The following CIRSR variants were observed in gnomAD, a reference collection of about 807,000 sequenced individuals.
CIRSR encodes CBF1 (RBPJ) interacting corepressor 1.
At chr2:174,359,517 G>GT in the CIRSR span, among the ~76,000 whole-genome samples, 1 of 152,036 alleles carries the variant, frequency 6.6e-6, no homozygotes. Context: ...AAATTAGTGT[G>GT]TAATACCAGT....
At chr2:174,388,841 T>C in the CIRSR span, among the ~76,000 whole-genome samples, 1 of 152,096 alleles carries the variant, frequency 6.6e-6, no homozygotes, top group Non-Finnish European at 1.5e-5. Context: ...TGGGATGTAA[T>C]TGAATCATGG....
chr2:174,360,159 T>C, the CIRSR span, among the ~76,000 whole-genome samples: 2 of 152,220 alleles, frequency 1.3e-5, no homozygotes, highest in Non-Finnish European at 2.9e-5. Context: ...TGTATACATA[T>C]GTAACAAACT....
At chr2:174,359,663 G>A in the CIRSR span, among the ~76,000 whole-genome samples, 1 of 152,150 alleles carries the variant, frequency 6.6e-6, no homozygotes, top group African/African-American at 2.4e-5. Context: ...AATTCCTCAA[G>A]GATGTAGAAC....
the CIRSR span, chr2:174,349,261 G>A: frequency 1.2e-6 from 1 of 824,992 alleles, no homozygotes; most frequent in Non-Finnish European, 1.8e-6. Flanking sequence ...TATTTTCTTA[G>A]AAGTTATTAA....
At chr2:174,383,849 CAAAAAAA>C in the CIRSR span, among the ~76,000 whole-genome samples, 1,117 of 121,438 alleles carry the variant, frequency 9.2e-3, 10 homozygotes, top group African/African-American at 0.033. Context: ...AGCTATCTTC[CAAAAAAA>C]AAAAAAAAAA....
the CIRSR span, among the ~76,000 whole-genome samples, chr2:174,365,126 G>A: frequency 5.3e-4 from 81 of 151,954 alleles, no homozygotes; most frequent in Non-Finnish European, 1.1e-3. Flanking sequence ...AATTTCTTCC[G>A]CCAGATATCC....
At chr2:174,359,051 T>C in the CIRSR span, among the ~76,000 whole-genome samples, 6 of 152,246 alleles carry the variant, frequency 3.9e-5, no homozygotes, top group African/African-American at 7.2e-5. Context: ...CTTGAAAAGT[T>C]AGGCATCCAT....
the CIRSR span, among the ~76,000 whole-genome samples, chr2:174,349,386 G>A: frequency 1.3e-5 from 2 of 151,926 alleles, no homozygotes; most frequent in Non-Finnish European, 2.9e-5. Flanking sequence ...CCAACATGGT[G>A]AAACCCCATC....
the CIRSR span, chr2:174,351,758 T>C: frequency 1.3e-6 from 2 of 1,562,896 alleles, no homozygotes; most frequent in East Asian, 4.6e-5. Context: ...GAATGTATCA[T>C]TTATATCTCT....
At chr2:174,382,567 A>G in the CIRSR span, among the ~76,000 whole-genome samples, 1,930 of 152,232 alleles carry the variant, frequency 0.013, 42 homozygotes, top group African/African-American at 0.043. Context: ...TGAATGTGGG[A>G]GGCGGAGGTT....
At chr2:174,382,008 T>A in the CIRSR span, among the ~76,000 whole-genome samples, 1 of 152,138 alleles carries the variant, frequency 6.6e-6, no homozygotes, top group Non-Finnish European at 1.5e-5. Context: ...ACCTGAGAGA[T>A]CCTACCCATC....
At chr2:174,395,076 T>C in the CIRSR span, among the ~76,000 whole-genome samples, 2 of 152,238 alleles carry the variant, frequency 1.3e-5, no homozygotes, top group Non-Finnish European at 2.9e-5. Context: ...GTATTACAAC[T>C]GGTAGACCTG....
chr2:174,357,904 A>T, the CIRSR span, among the ~76,000 whole-genome samples: 1 of 152,184 alleles, frequency 6.6e-6, no homozygotes, highest in Non-Finnish European at 1.5e-5. Context: ...TGTTTTATGT[A>T]TGATTTTCTA....
chr2:174,377,376 G>C, the CIRSR span, among the ~76,000 whole-genome samples: 1,321 of 152,254 alleles, frequency 8.7e-3, 22 homozygotes, highest in Admixed American at 0.042. Context: ...GGAGGCATTA[G>C]GTATGTAAGC....
the CIRSR span, among the ~76,000 whole-genome samples, chr2:174,375,660 T>C: frequency 3.3e-5 from 5 of 152,182 alleles, no homozygotes; most frequent in African/African-American, 9.7e-5. Flanking sequence ...CTTGTGCCAA[T>C]ATTGGATGCA....
the CIRSR span, among the ~76,000 whole-genome samples, chr2:174,364,834 T>C: frequency 6.6e-6 from 1 of 152,292 alleles, no homozygotes; most frequent in African/African-American, 2.4e-5. Context: ...AAAACCACTT[T>C]TTCCTCCTAG....
the CIRSR span, among the ~76,000 whole-genome samples, chr2:174,375,695 G>T: frequency 6.6e-6 from 1 of 152,132 alleles, no homozygotes; most frequent in African/African-American, 2.4e-5. Flanking sequence ...CTTTACCAAG[G>T]TTCGATGGGC....
the CIRSR span, among the ~76,000 whole-genome samples, chr2:174,354,413 A>AT: frequency 0.051 from 4,389 of 85,300 alleles, 360 homozygotes; most frequent in African/African-American, 0.17. Context: ...TATATATTAT[A>AT]TATAATATAT....
chr2:174,383,530 G>A, the CIRSR span, among the ~76,000 whole-genome samples: 1 of 151,620 alleles, frequency 6.6e-6, no homozygotes, highest in Non-Finnish European at 1.5e-5. Flanking sequence ...GACCAGCTTG[G>A]CCAACATGGT....
Sources: allele counts gnomAD v4.1 joint callset (sites outside exome capture counted in the v4.1 genomes callset), GRCh38; gene constraint gnomAD v4.1.1; transcripts MANE v1.5; gene names NCBI Gene and HGNC (gene_info 2026-07-23, HGNC 2026-07-21).